Variants in XXYLT1 observed in about 807,000 individuals in gnomAD.
XXYLT1 encodes UDP-xylose:alpha-xyloside alpha-1,3-xylosyltransferase.
XXYLT1 carries 20 observed loss-of-function variants against 28.9 expected under a neutral mutation model. The observed-to-expected ratio is 0.69, with a 90% CI of 0.49 to 1.00. The LOEUF (loss-of-function observed/expected upper bound fraction) is 1.00, where lower values mean the gene tolerates loss of function less well. Among genes scored for constraint, XXYLT1 ranks in the 50% least tolerant of loss-of-function variants. XXYLT1 has a pLI of 0.00. For synonymous variants in XXYLT1, 257 were observed against 253.8 expected (o/e 1.01, Z -0.12); for missense variants, 542 against 560.1 (o/e 0.97, Z 0.33).
intron 1 of XXYLT1, among the ~76,000 whole-genome samples, chr3:195,227,355 A>G (rs765821799): frequency 2.0e-5 from 3 of 152,164 alleles, no homozygotes; most frequent in Non-Finnish European, 4.4e-5. Context: ...CTCATCCAAC[A>G]GTGTGAACAA....
chr3:195,115,191 G>A lies in XXYLT1; in HGVS notation c.785+41258C>T, dbSNP rs929391875. Among the ~76,000 whole-genome samples the A allele has an allele frequency of 3.3e-5, 5 of 152,196 alleles. No homozygotes were observed. Among genetic ancestry groups the A allele is most frequent in the African/African-American group, 7.2e-5 (3 of 41,436 alleles). On this transcript the variant is annotated intron_variant, in intron 3 of 3. Coordinates refer to ENST00000310380, the MANE Select transcript of XXYLT1 (RefSeq NM_152531.5). This position sits in a 1 kb window ranked among gnomAD's most constrained non-coding sequence, Gnocchi z 4.2. The stretch of plus-strand genomic sequence containing the variant: ...TAGTGTGCTCACATGAGACGTGCCC[G>A]GTGAGAATGTGGCTTCTGGCTGTCA...
Position 195,077,651 on chromosome 3 carries a change from G to A in XXYLT1, c.786-7540C>T, listed in dbSNP as rs12107513. Among the ~76,000 whole-genome samples the A allele has an allele frequency of 0.12, 17,911 of 152,158 alleles. 1,296 individuals carry two copies. The highest frequency in any genetic ancestry group is 0.3 in the East Asian group (1,540 of 5,152). On this transcript the variant is annotated intron_variant, in intron 3 of 3. Transcript: ENST00000310380. The surrounding 1 kb of genome is among the most constrained non-coding windows in gnomAD (Gnocchi z 4.8). Reference sequence around the variant, plus strand: ...TGTAAAGCGCGGCCTGGGGCTGGACGTCGTAGGGGGTGAATGGCCCTGATG... The same window carrying A: ...TGTAAAGCGCGGCCTGGGGCTGGACATCGTAGGGGGTGAATGGCCCTGATG...
chr3:195,230,674 A>G (rs1724263477), intron 1 of XXYLT1, among the ~76,000 whole-genome samples: 1 of 152,190 alleles, frequency 6.6e-6, no homozygotes, highest in African/African-American at 2.4e-5. Context: ...ACCATTGTCA[A>G]ATATGAGTTC....
chr3:195,114,815 A>G (rs1383491461), intron 3 of XXYLT1, among the ~76,000 whole-genome samples: 3 of 152,268 alleles, frequency 2.0e-5, no homozygotes, highest in Non-Finnish European at 4.4e-5. Flanking sequence ...GGAAGGTAGC[A>G]GTCTTACAGG....
chr3:195,225,371 T>C (rs1178691511), intron 2 of XXYLT1, among the ~76,000 whole-genome samples: 1 of 152,182 alleles, frequency 6.6e-6, no homozygotes, highest in Admixed American at 6.5e-5. Context: ...GGGCTTGCTT[T>C]TCCCTGTGGC....
At chr3:195,177,548 G>A (rs1012205704) in intron 2 of XXYLT1, among the ~76,000 whole-genome samples, 16 of 152,238 alleles carry the variant, frequency 1.1e-4, no homozygotes, top group African/African-American at 3.9e-4. Flanking sequence ...AACTTGGGCT[G>A]AACATGAAAG....
chr3:195,265,341 T>C (rs1469106250), intron 1 of XXYLT1, among the ~76,000 whole-genome samples: 1 of 148,000 alleles, frequency 6.8e-6, no homozygotes, highest in Non-Finnish European at 1.5e-5. Context: ...CACTCCAGCC[T>C]GGGTGACAGA....
At chr3:195,200,239 G>T (rs572143081) in intron 2 of XXYLT1, among the ~76,000 whole-genome samples, 150 of 152,356 alleles carry the variant, frequency 9.8e-4, no homozygotes, top group Non-Finnish European at 1.8e-3. Context: ...GCGTGGCGAA[G>T]CACCCAGGAG....
intron 3 of XXYLT1, among the ~76,000 whole-genome samples, chr3:195,104,229 GTGTGTGTGTGTGTGTGTA>G (rs1272994669): frequency 1.1e-5 from 1 of 93,696 alleles, no homozygotes; most frequent in Non-Finnish European, 2.6e-5. Context: ...GTGTGTGTGT[GTGTGTGTGTGTGTGTGTA>G]TTTTATGAGA....
rs1715206328 is a variant in XXYLT1, at chr3:195,077,768, G to C, written c.786-7657C>G. ...CTGCAGAAGGGCAGCTGGCAGGCCT[G>C]AGGCCTCCACATGGCACGGCACCAC... On this transcript the variant is annotated intron_variant, in intron 3 of 3. Transcript: ENST00000310380. The surrounding 1 kb of genome is among the most constrained non-coding windows in gnomAD (Gnocchi z 4.8). Among the ~76,000 whole-genome samples, 1 of 152,186 alleles carries C rather than the reference G, an allele frequency of 6.6e-6. No homozygotes were observed. The highest frequency in any genetic ancestry group is 2.1e-4 in the South Asian group (1 of 4,828).
At chr3:195,203,856 C>T (rs975656980) in intron 2 of XXYLT1, among the ~76,000 whole-genome samples, 6 of 152,128 alleles carry the variant, frequency 3.9e-5, no homozygotes, top group African/African-American at 7.2e-5. Flanking sequence ...AGTCAGCCCC[C>T]GGAACAGAGG....
At chr3:195,153,969 G>T (rs1346832601) in intron 3 of XXYLT1, 1 of 152,308 alleles carries the variant, frequency 6.6e-6, no homozygotes, top group Admixed American at 6.5e-5. Flanking sequence ...CCGGGGAGCG[G>T]GGACTTAGAG....
intron 2 of XXYLT1, chr3:195,184,560 T>A (rs1249019818): frequency 2.1e-6 from 2 of 970,622 alleles, no homozygotes; most frequent in African/African-American, 3.5e-5. Context: ...TCTGGAAGTT[T>A]AAGAAAATCC....
chr3:195,170,195 T>C (rs892391530), intron 2 of XXYLT1, among the ~76,000 whole-genome samples: 2 of 152,190 alleles, frequency 1.3e-5, no homozygotes, highest in East Asian at 1.9e-4. Context: ...CACACACATA[T>C]GAAACCAGAA....
chr3:195,235,838 G>T (rs1030527958), intron 1 of XXYLT1, among the ~76,000 whole-genome samples: 12 of 152,082 alleles, frequency 7.9e-5, no homozygotes, highest in African/African-American at 2.9e-4. Flanking sequence ...CGAATTACTT[G>T]TTCTCTTCCC....
intron 1 of XXYLT1, among the ~76,000 whole-genome samples, chr3:195,254,743 C>T (rs1364417443): frequency 2.0e-5 from 3 of 152,240 alleles, no homozygotes; most frequent in Non-Finnish European, 4.4e-5. Context: ...TTCACGGGGC[C>T]AGGGCAGTGC....
At chr3:195,223,157 C>T (rs1009226247) in intron 2 of XXYLT1, among the ~76,000 whole-genome samples, 4 of 152,064 alleles carry the variant, frequency 2.6e-5, no homozygotes, top group Admixed American at 2.0e-4. Context: ...TGCTTGAACC[C>T]GGGAAGCAGA....
rs1218143046 is a variant in XXYLT1 at position 195,257,695 on chromosome 3, A to G, written c.504+12860T>C. Among the ~76,000 whole-genome samples the G allele has an allele frequency of 2.6e-5, 4 of 151,780 alleles. No homozygotes were observed. The highest frequency in any genetic ancestry group is 2.6e-4 in the Admixed American group (4 of 15,252). On this transcript the variant is annotated intron_variant, in intron 1 of 3. Coordinates refer to ENST00000310380, the MANE Select transcript of XXYLT1 (RefSeq NM_152531.5). The surrounding 1 kb of genome is among the most constrained non-coding windows in gnomAD (Gnocchi z 4.3). Reference sequence around the variant, plus strand: ...CCTGGCTACTGCTGACTCTCTGCCAACCCAGAGAGCCACACACTCACCCAG... The same window carrying G: ...CCTGGCTACTGCTGACTCTCTGCCAGCCCAGAGAGCCACACACTCACCCAG...
At chr3:195,234,263 T>C (rs1445774807) in intron 1 of XXYLT1, among the ~76,000 whole-genome samples, 8,178 of 149,896 alleles carry the variant, frequency 0.055, 800 homozygotes, top group African/African-American at 0.19. Flanking sequence ...TCCATCAAGC[T>C]TTTGTTTGTC....
Sources: gnomAD v4.1 joint callset for allele counts (sites outside exome capture counted in the v4.1 genomes callset) on GRCh38, gnomAD v4.1.1 for gene constraint, Gnocchi (gnomAD v3.1) non-coding constraint, MANE v1.5 for transcripts, NCBI Gene and HGNC (gene_info 2026-07-23, HGNC 2026-07-21) for gene names.